The following IGF2BP3 variants were observed in gnomAD, a reference collection of about 807,000 sequenced individuals.
The protein encoded by IGF2BP3 is insulin like growth factor 2 mRNA binding protein 3.
Under a neutral mutation model 73.8 loss-of-function variants are expected in IGF2BP3, and 9 were observed. The observed-to-expected ratio is 0.12, with a 90% confidence interval of 0.07 to 0.21. The LOEUF is 0.21. Ranked by LOEUF, IGF2BP3 falls within the 10% of genes least tolerant of loss-of-function variation. The pLI is 1.00. For synonymous variants in IGF2BP3, 258 were observed against 256.7 expected (o/e 1.01, Z -0.05); for missense variants, 542 against 714.0 (o/e 0.76, Z 2.75).
chr7:23,367,141 G>T (rs989444906), intron 3 of IGF2BP3, among the ~76,000 whole-genome samples: 1 of 152,028 alleles, frequency 6.6e-6, no homozygotes, highest in African/African-American at 2.4e-5. Flanking sequence ...ACCACGCCTG[G>T]CTACTTTTTG....
intron 2 of IGF2BP3, among the ~76,000 whole-genome samples, chr7:23,458,562 G>A (rs1302062544): frequency 6.6e-6 from 1 of 152,108 alleles, no homozygotes; most frequent in East Asian, 1.9e-4. Flanking sequence ...AGCCTCCTGA[G>A]ACAAAGCCGT....
intron 10 of IGF2BP3, among the ~76,000 whole-genome samples, chr7:23,335,294 T>TG (rs1486640797): frequency 6.6e-6 from 1 of 151,534 alleles, no homozygotes; most frequent in African/African-American, 2.4e-5. Context: ...CATAATTTTT[T>TG]TTTTTTTGGA....
intron 3 of IGF2BP3, among the ~76,000 whole-genome samples, chr7:23,378,401 G>GTTTTTTTTTTTTTTTTTTTTTTTT (rs373876363): frequency 7.8e-6 from 1 of 128,064 alleles, no homozygotes; most frequent in Non-Finnish European, 1.5e-5. Flanking sequence ...TCTCTTCTTG[G>GTTTTTTTTTTTTTTTTTTTTTTTT]TTTTTTTTTG....
At chr7:23,373,179 C>T (rs1056782657) in intron 3 of IGF2BP3, among the ~76,000 whole-genome samples, 2 of 152,218 alleles carry the variant, frequency 1.3e-5, no homozygotes, top group Non-Finnish European at 1.5e-5. Context: ...GTACTAAATA[C>T]GATACTTCTA....
chr7:23,393,046 G>A (rs1296668811), intron 3 of IGF2BP3, among the ~76,000 whole-genome samples: 2 of 152,130 alleles, frequency 1.3e-5, no homozygotes, highest in African/African-American at 2.4e-5. Flanking sequence ...GACTTCCTTA[G>A]GGGACACTCA....
At chr7:23,313,414 TG>T in intron 13 of IGF2BP3, 107 bp downstream of exon 13, 1 of 1,257,058 alleles carries the variant, frequency 8.0e-7, no homozygotes, top group Non-Finnish European at 1.1e-6. Context: ...TTGGTCAAGA[TG>T]GTCCTGCTTT....
Position 23,312,274 on chromosome 7 carries a change from C to T in IGF2BP3, c.*88G>A, listed in dbSNP as rs1783852944. 2.1e-6 allele frequency: 2 copies of T among 970,246 alleles called. No individual in the cohort carries two copies. Among genetic ancestry groups the T allele is most frequent in the Non-Finnish European group, 3.3e-6 (2 of 612,502 alleles). The allele number at this position is 970,246 out of a possible 1,614,324, so 60.1% of individuals were successfully genotyped here. The stretch of plus-strand genomic sequence containing the variant: ...TAGGTAAAAACTTGTGCATGTGATT[C>T]TGGATAGGGGGTCAGCGCCCATCTG... On this transcript the variant is annotated 3_prime_UTR_variant, in exon 15 of 15. Transcript: ENST00000258729.
At chr7:23,350,296 A>T (rs1335907375) in intron 6 of IGF2BP3, among the ~76,000 whole-genome samples, 2 of 152,100 alleles carry the variant, frequency 1.3e-5, no homozygotes, top group African/African-American at 4.8e-5. Context: ...CTGAAAAAAA[A>T]GAATTCTCCT....
chr7:23,431,399 G>A (rs1787673582), intron 2 of IGF2BP3: 1 of 152,150 alleles, frequency 6.6e-6, no homozygotes, highest in South Asian at 2.1e-4. Context: ...AGATTTTATA[G>A]TTTAGCAGAA....
intron 5 of IGF2BP3, among the ~76,000 whole-genome samples, chr7:23,357,184 G>C (rs569030070): frequency 5.3e-5 from 8 of 152,076 alleles, no homozygotes; most frequent in East Asian, 3.9e-4. Context: ...TTAGCCACTG[G>C]CCAAGTTGCT....
chr7:23,388,602 T>C (rs453152), intron 3 of IGF2BP3, among the ~76,000 whole-genome samples: 3 of 143,622 alleles, frequency 2.1e-5, no homozygotes, highest in Non-Finnish European at 3.0e-5. Flanking sequence ...AGTGGTCTTC[T>C]CCATCTTTTT....
intron 10 of IGF2BP3, among the ~76,000 whole-genome samples, chr7:23,323,620 T>C (rs201776176): frequency 1.3e-5 from 2 of 151,470 alleles, no homozygotes; most frequent in African/African-American, 2.4e-5. Flanking sequence ...AATATACATT[T>C]TTTTCAGCAC....
chr7:23,312,562 T>C, intron 14 of IGF2BP3, 102 bp from the exon 15 acceptor site: 1 of 983,312 alleles, frequency 1.0e-6, no homozygotes, highest in Non-Finnish European at 1.6e-6. Context: ...CATTTGATGA[T>C]TAAAGATACA....
At chr7:23,443,414 C>T (rs1243054654) in intron 2 of IGF2BP3, among the ~76,000 whole-genome samples, 2 of 152,090 alleles carry the variant, frequency 1.3e-5, no homozygotes, top group African/African-American at 4.8e-5. Flanking sequence ...CATGAGCCAC[C>T]GCGACTGGCC....
At chr7:23,313,421 G>C in intron 13 of IGF2BP3, 101 bp downstream of exon 13, 1 of 1,360,408 alleles carries the variant, frequency 7.4e-7, no homozygotes, top group Non-Finnish European at 1.0e-6. Context: ...AGATGGTCCT[G>C]CTTTTTATAA....
rs570100858 is a variant in IGF2BP3 at position 23,441,708 on chromosome 7, A to T, written c.237-22884T>A. On this transcript the variant is annotated intron_variant, in intron 2 of 14. Coordinates refer to ENST00000258729, the MANE Select transcript of IGF2BP3 (RefSeq NM_006547.3). ...GAAATTGCAAATTACCTACTCAGAGAGTGTGAAAACTCAGTCCAGCTAAGC... is the reference window on the plus strand; with the variant it reads ...GAAATTGCAAATTACCTACTCAGAGTGTGTGAAAACTCAGTCCAGCTAAGC... 4.6e-5 allele frequency among the ~76,000 whole-genome samples: 7 copies of T among 151,708 alleles called. No individual in the cohort carries two copies. In the South Asian group the frequency reaches 1.2e-3, roughly 27 times the overall value.
rs137900551 is a variant in IGF2BP3, at chr7:23,316,801, A to G, written c.1395+838T>C. Among the ~76,000 whole-genome samples the G allele has an allele frequency of 7.1e-3, 1,086 of 152,254 alleles. 16 individuals are homozygous for G. Among genetic ancestry groups the G allele is most frequent in the African/African-American group, 0.025 (1,022 of 41,564 alleles). Reference sequence around the variant, plus strand: ...CTAAATTTTGTGGGAGAAATCATACACTAAAAGGAATATATTTATGAATTT... The same window carrying G: ...CTAAATTTTGTGGGAGAAATCATACGCTAAAAGGAATATATTTATGAATTT... On this transcript the variant is annotated intron_variant, in intron 12 of 14. Coordinates refer to ENST00000258729, the MANE Select transcript of IGF2BP3 (RefSeq NM_006547.3).
intron 3 of IGF2BP3, among the ~76,000 whole-genome samples, chr7:23,407,816 T>G (rs1335590202): frequency 6.6e-6 from 1 of 151,864 alleles, no homozygotes. Flanking sequence ...ACCAATATCC[T>G]TCATGAGCAG....
intron 12 of IGF2BP3, 95 bp from the exon 13 acceptor site, chr7:23,313,748 C>T (rs2128491071): frequency 1.7e-6 from 2 of 1,153,748 alleles, no homozygotes; most frequent in Middle Eastern, 2.7e-4. Context: ...GTGGGATAGC[C>T]CTTTGCAGTG....
Sources: gnomAD v4.1 joint callset for allele counts (sites outside exome capture counted in the v4.1 genomes callset) on GRCh38, gnomAD v4.1.1 for gene constraint, MANE v1.5 for transcripts, NCBI Gene and HGNC (gene_info 2026-07-23, HGNC 2026-07-21) for gene names.